The following ZNF121 variants were observed in gnomAD, a reference collection of about 807,000 sequenced individuals.
ZNF121 encodes the protein zinc finger protein 121.
A neutral mutation model predicts 2.4 loss-of-function variants in ZNF121; 1 was observed. The ratio of observed to expected loss-of-function variants is 0.41; its 90% CI spans 0.15 to 1.94. ZNF121 has a LOEUF of 1.94. Ranked by LOEUF, ZNF121 falls within the 30% of genes most tolerant of loss-of-function variation. The pLI is 0.30. For synonymous variants in ZNF121, 173 were observed against 158.6 expected (o/e 1.09, Z -0.68); for missense variants, 369 against 466.3 (o/e 0.79, Z 1.92).
At chr19:9,573,154 C>T (rs985965938) in intron 1 of ZNF121, among the ~76,000 whole-genome samples, 3 of 152,180 alleles carry the variant, frequency 2.0e-5, no homozygotes, top group Non-Finnish European at 4.4e-5. Flanking sequence ...TGGGGAACCA[C>T]GACCTCCTAA....
intron 1 of ZNF121, among the ~76,000 whole-genome samples, chr19:9,583,059 A>AAAAAAAAAT (rs1178684674): frequency 6.8e-6 from 1 of 148,120 alleles, no homozygotes; most frequent in African/African-American, 2.5e-5. Flanking sequence ...TAAAAATACA[A>AAAAAAAAAT]AAAAAAAAAA....
rs2074130265 is a variant in ZNF121 at position 9,566,131 on chromosome 19, T to C, written c.982A>G (p.Ile328Val). 16 of 1,613,944 alleles carry C rather than the reference T, an allele frequency of 9.9e-6. No individual in the cohort carries two copies. Among genetic ancestry groups the C allele is most frequent in the South Asian group, 3.3e-5 (3 of 91,072 alleles). Residue 328 changes from isoleucine to valine, a missense_variant, in exon 4 of 4, where the codon ATT becomes GTT. By Grantham distance (29) the Ile-to-Val change is conservative. This residue lies in a region of ZNF121 where 127 missense variants were observed against 169.9 expected (regional missense o/e 0.75). Coordinates refer to ENST00000320451, the MANE Select transcript of ZNF121 (RefSeq NM_001008727.5). ...GKAFATSSQL[I>V]EHIRTHTGEK... ...CCAGTGTGAGTTCTTATATGTTCAA[T>C]GAGTTGTGAAGATGTAGCAAAGGCT...
chr19:9,582,131 C>G (rs760349750), intron 1 of ZNF121, among the ~76,000 whole-genome samples: 1 of 152,084 alleles, frequency 6.6e-6, no homozygotes, highest in Non-Finnish European at 1.5e-5. Context: ...CATGGTGAAA[C>G]CTTGTCTCTA....
In ZNF121 at chr19:9,566,551, C is replaced by G; in HGVS notation, c.562G>C (p.Val188Leu). 6.2e-7 allele frequency: 1 copy of G among 1,614,126 alleles called. No homozygotes were observed. Among genetic ancestry groups the G allele is most frequent in the South Asian group, 1.1e-5 (1 of 91,080 alleles). ...CCAGTATGAATTCTTACATGTTCAACTAGGTGTGAAGAAACAGTGAAGCAT... is the reference window on the plus strand; with the variant it reads ...CCAGTATGAATTCTTACATGTTCAAGTAGGTGTGAAGAAACAGTGAAGCAT... The part of the protein sequence containing the change: ...GKCFTVSSHL[V>L]EHVRIHTGEK... The change falls in exon 4 of 4, where the codon GTT (valine) becomes CTT (leucine). Residue 188 changes from valine (V) to leucine (L), a missense_variant. By Grantham distance (32) the Val-to-Leu change is conservative (BLOSUM62 1). This residue lies in a region of ZNF121 where 68 missense variants were observed against 105.5 expected (regional missense o/e 0.64). Transcript: ENST00000320451.
rs2074095153 is a variant in ZNF121 at position 9,560,488 on chromosome 19, A to C, written c.*5452T>G. The stretch of plus-strand genomic sequence containing the variant: ...CGTGGCTGACACTCAATACCCATTG[A>C]ACAACTCATTTTCTCCTCCACCAGC... On this transcript the variant is annotated 3_prime_UTR_variant, in exon 4 of 4. Coordinates refer to ENST00000320451, the MANE Select transcript of ZNF121 (RefSeq NM_001008727.5). 1 of 152,230 alleles carries C rather than the reference A, an allele frequency of 6.6e-6. No individual in the cohort carries two copies. Among genetic ancestry groups the C allele is most frequent in the Non-Finnish European group, 1.5e-5 (1 of 68,038 alleles). 9.4% of individuals were successfully genotyped at this position (152,230 alleles called of 1,614,324 possible).
At chr19:9,577,909 T>C (rs2074222493) in intron 1 of ZNF121, among the ~76,000 whole-genome samples, 2 of 149,796 alleles carry the variant, frequency 1.3e-5, no homozygotes, top group African/African-American at 4.9e-5. Context: ...TAGCCAGCTG[T>C]GGGCCGGGCG....
chr19:9,582,733 A>T (rs937133761), intron 1 of ZNF121, among the ~76,000 whole-genome samples: 2 of 145,514 alleles, frequency 1.4e-5, no homozygotes, highest in Admixed American at 7.1e-5. Context: ...CGGGTAGCAG[A>T]GCGAGACTCT....
chr19:9,570,930 C>T (rs1366085045), intron 1 of ZNF121, among the ~76,000 whole-genome samples: 1 of 152,108 alleles, frequency 6.6e-6, no homozygotes, highest in Non-Finnish European at 1.5e-5. Context: ...TAGCAGAAAT[C>T]AAGAAGGTAG....
At position 9,563,890 on chromosome 19, in the gene ZNF121, T is replaced by C. The variant is rs150174774; in HGVS notation, c.*2050A>G. 6.6e-6 allele frequency: 1 copy of C among 152,358 alleles called. No homozygotes were observed. Among genetic ancestry groups the C allele is most frequent in the Non-Finnish European group, 1.5e-5 (1 of 68,026 alleles). 9.4% of individuals were successfully genotyped at this position (152,358 alleles called of 1,614,324 possible). A position where few individuals can be genotyped will look rare whatever the true frequency, so the allele number is the denominator to read the frequency against. On this transcript the variant is annotated 3_prime_UTR_variant, in exon 4 of 4. Transcript: ENST00000320451. ...TTACAGCATGGTTTACTGAATATTTTAAGCCCACTGTAAAACATACTGTTC... is the reference window on the plus strand; with the variant it reads ...TTACAGCATGGTTTACTGAATATTTCAAGCCCACTGTAAAACATACTGTTC...
Position 9,564,400 on chromosome 19 carries a change from A to G in ZNF121, c.*1540T>C. 1 of 152,308 alleles carries G rather than the reference A, an allele frequency of 6.6e-6. No individual in the cohort carries two copies. The highest frequency in any genetic ancestry group is 1.9e-4 in the East Asian group (1 of 5,178). The allele number at this position is 152,308 out of a possible 1,614,324, so 9.4% of individuals were successfully genotyped here. A position where few individuals can be genotyped will look rare whatever the true frequency, so the allele number is the denominator to read the frequency against. On this transcript the variant is annotated 3_prime_UTR_variant, in exon 4 of 4. Transcript: ENST00000320451. Reference sequence around the variant, plus strand: ...CTCTAAAAAAAATTTTTTTAATTAAAAAAATAAAAACCAACATTAACCAGA... The same window carrying G: ...CTCTAAAAAAAATTTTTTTAATTAAGAAAATAAAAACCAACATTAACCAGA...
Position 9,563,024 on chromosome 19 carries a change from C to T in ZNF121, c.*2916G>A, listed in dbSNP as rs2074109762. 7.0e-6 allele frequency: 1 copy of T among 143,482 alleles called. No individual in the cohort carries two copies. The highest frequency in any genetic ancestry group is 7.2e-5 in the Admixed American group (1 of 13,816). 8.9% of individuals were successfully genotyped at this position (143,482 alleles called of 1,614,324 possible). On this transcript the variant is annotated 3_prime_UTR_variant, in exon 4 of 4. Coordinates refer to ENST00000320451, the MANE Select transcript of ZNF121 (RefSeq NM_001008727.5). Reference sequence around the variant, plus strand: ...AATGGGCTATAACTGTACTACACTCCAGCCTGGGCAAAAGGGAGACCATGT... The same window carrying T: ...AATGGGCTATAACTGTACTACACTCTAGCCTGGGCAAAAGGGAGACCATGT...
At chr19:9,582,056 A>C (rs1188924627) in intron 1 of ZNF121, among the ~76,000 whole-genome samples, 1 of 152,206 alleles carries the variant, frequency 6.6e-6, no homozygotes, top group African/African-American at 2.4e-5. Context: ...CTGTAATCCC[A>C]GCATTTTGGG....
At chr19:9,581,246 CCATGAGAGCACACCTGAACAAAGGGG>C (rs1281402970) in intron 1 of ZNF121, among the ~76,000 whole-genome samples, 1 of 152,174 alleles carries the variant, frequency 6.6e-6, no homozygotes, top group Non-Finnish European at 1.5e-5. Flanking sequence ...TGACCAGTTG[CCATGAGAGCACACCTGAACAAAGGGG>C]CATGAGAGCC....
intron 1 of ZNF121, among the ~76,000 whole-genome samples, chr19:9,575,437 A>G (rs1404941075): frequency 6.6e-6 from 1 of 151,772 alleles, no homozygotes. Flanking sequence ...AAACAAAAAC[A>G]AAAAGAGATA....
intron 1 of ZNF121, among the ~76,000 whole-genome samples, chr19:9,571,214 C>T (rs551868579): frequency 1.2e-3 from 186 of 152,284 alleles, no homozygotes; most frequent in Non-Finnish European, 9.3e-4. Flanking sequence ...CAAATGAACA[C>T]GGTTGTGTTC....
At chr19:9,584,098 A>T (rs1320904738) in intron 1 of ZNF121, 1 of 152,236 alleles carries the variant, frequency 6.6e-6, no homozygotes, top group African/African-American at 2.4e-5. Context: ...CGGAAACGCC[A>T]GGTTCCTGAG....
chr19:9,579,668 G>GA (rs1039083702), intron 1 of ZNF121, among the ~76,000 whole-genome samples: 18 of 151,600 alleles, frequency 1.2e-4, no homozygotes, highest in Admixed American at 1.1e-3. Flanking sequence ...TCCGTCTCTA[G>GA]AAAAAAAAGA....
At chr19:9,574,641 T>C (rs1435571993) in intron 1 of ZNF121, among the ~76,000 whole-genome samples, 1 of 152,180 alleles carries the variant, frequency 6.6e-6, no homozygotes, top group African/African-American at 2.4e-5. Flanking sequence ...GCTTAGAACT[T>C]TTTAAAAGGC....
intron 1 of ZNF121, among the ~76,000 whole-genome samples, chr19:9,570,265 T>C (rs1275797131): frequency 6.6e-6 from 1 of 152,094 alleles, no homozygotes; most frequent in Non-Finnish European, 1.5e-5. Context: ...ATTTCTTATG[T>C]TCTCAGGGCT....
Sources: gnomAD v4.1 joint callset for allele counts (sites outside exome capture counted in the v4.1 genomes callset) on GRCh38, gnomAD v4.1.1 for gene constraint, gnomAD v4.1.1 regional missense constraint, MANE v1.5 for transcripts, NCBI Gene and HGNC (gene_info 2026-07-23, HGNC 2026-07-21) for gene names.